DOCK10: variants seen among roughly 807,000 people sequenced by gnomAD.
DOCK10 encodes the protein dedicator of cytokinesis protein 10.
DOCK10 carries 145 observed loss-of-function variants against 280.1 expected under a neutral mutation model. That is an observed-to-expected ratio of 0.52 (90% confidence interval 0.45 to 0.59). DOCK10 has a LOEUF of 0.59. DOCK10 is among the 20% of genes least tolerant of loss of function. The pLI is 0.00. For missense variants in DOCK10, 2,368 were observed against 2,651.7 expected (o/e 0.89, Z 2.35); for synonymous variants, 915 against 942.2 (o/e 0.97, Z 0.53).
At position 224,794,863 on chromosome 2, in the gene DOCK10, A is replaced by C. The variant is rs1302811389; in HGVS notation, c.5154+16T>G. 6.2e-7 allele frequency: 1 copy of C among 1,612,278 alleles called. No homozygotes were observed. The highest frequency in any genetic ancestry group is 1.3e-5 in the African/African-American group (1 of 74,894). On this transcript the variant is annotated intron_variant, in intron 45 of 55. Coordinates refer to ENST00000258390, the MANE Select transcript of DOCK10 (RefSeq NM_014689.3). ...GGACAATACTGATGGTAAATGACCA[A>C]GCCTTGGCTAATCACCTCAGATAAA...
intron 7 of DOCK10, among the ~76,000 whole-genome samples, chr2:224,883,439 T>C (rs1371484124): frequency 6.6e-6 from 1 of 152,344 alleles, no homozygotes; most frequent in South Asian, 2.1e-4. Context: ...ATCAAGGTTT[T>C]CTAGGAAGAC....
At chr2:224,852,526 C>G in intron 17 of DOCK10, 84 bp from the exon 18 acceptor site, 1 of 1,014,726 alleles carries the variant, frequency 9.9e-7, no homozygotes, top group Non-Finnish European at 1.5e-6. Flanking sequence ...TAAGTAGCTT[C>G]TAATTAATCC....
intron 1 of DOCK10, among the ~76,000 whole-genome samples, chr2:224,937,768 C>A (rs1325139170): frequency 6.6e-6 from 1 of 152,132 alleles, no homozygotes; most frequent in East Asian, 1.9e-4. Flanking sequence ...TGTATTTATA[C>A]TTGCAGATCA....
intron 22 of DOCK10, among the ~76,000 whole-genome samples, chr2:224,843,500 C>A (rs1216146652): frequency 6.6e-6 from 1 of 152,116 alleles, no homozygotes; most frequent in Non-Finnish European, 1.5e-5. Context: ...GGGTTTAAAT[C>A]ATTGTGGGTG....
chr2:224,850,929 G>A (rs759769156), intron 18 of DOCK10, among the ~76,000 whole-genome samples: 5 of 152,046 alleles, frequency 3.3e-5, no homozygotes, highest in South Asian at 2.1e-4. Flanking sequence ...ACCCAGTCTC[G>A]GGTAGTATCT....
chr2:224,903,063 T>A lies in DOCK10; in HGVS notation c.334-6686A>T, dbSNP rs1226366085. Among the ~76,000 whole-genome samples, 9 of 151,852 alleles carry A rather than the reference T, an allele frequency of 5.9e-5. 1 individual carries two copies. Among genetic ancestry groups the A allele is most frequent in the Admixed American group, 5.9e-4 (9 of 15,258 alleles). On this transcript the variant is annotated intron_variant, in intron 3 of 55. Coordinates refer to ENST00000258390, the MANE Select transcript of DOCK10 (RefSeq NM_014689.3). ...CAGTGAGCCGAGATTGCGCCACTGC[T>A]CTCCAGCCTGGGCGACAGAGCGAGA... is the stretch of plus-strand genomic sequence containing the variant.
At chr2:224,982,150 A>C in intron 1 of DOCK10, 1 of 1,200,946 alleles carries the variant, frequency 8.3e-7, no homozygotes, top group Non-Finnish European at 1.0e-6. Context: ...CCTAAATTGT[A>C]ACCTCTCTAT....
intron 6 of DOCK10, 28 bp downstream of exon 6, chr2:224,886,026 GTGACAGAGA>G (rs1253226639): frequency 6.2e-7 from 1 of 1,612,822 alleles, no homozygotes; most frequent in Non-Finnish European, 8.5e-7. Flanking sequence ...GTTAAGAAGG[GTGACAGAGA>G]TAAAGATGAG....
intron 44 of DOCK10, among the ~76,000 whole-genome samples, chr2:224,795,516 C>T (rs1692501139): frequency 6.6e-6 from 1 of 152,128 alleles, no homozygotes; most frequent in Non-Finnish European, 1.5e-5. Context: ...AAGCTTGGAT[C>T]AAAGAGATTC....
chr2:224,767,273 C>T (rs1690125598), intron 55 of DOCK10, among the ~76,000 whole-genome samples: 1 of 152,130 alleles, frequency 6.6e-6, no homozygotes, highest in African/African-American at 2.4e-5. Flanking sequence ...AAGCAACTCT[C>T]CTGCCTCAGC....
intron 1 of DOCK10, among the ~76,000 whole-genome samples, chr2:224,994,269 GA>G (rs1706207013): frequency 6.6e-6 from 1 of 152,178 alleles, no homozygotes; most frequent in Non-Finnish European, 1.5e-5. Context: ...GCCTGGATTT[GA>G]AAGTCAGTTC....
intron 7 of DOCK10, among the ~76,000 whole-genome samples, chr2:224,877,897 C>T (rs1464964412): frequency 6.6e-6 from 1 of 152,164 alleles, no homozygotes; most frequent in Admixed American, 6.5e-5. Flanking sequence ...TTGATTTACT[C>T]CAGGCAATTC....
chr2:224,826,783 CTATCT>C (rs1488121015), intron 27 of DOCK10, among the ~76,000 whole-genome samples: 4 of 142,154 alleles, frequency 2.8e-5, no homozygotes, highest in African/African-American at 5.3e-5. Flanking sequence ...ATCTATCTAT[CTATCT>C]ATCATCTATC....
At chr2:225,003,828 G>A (rs1459338533) in intron 1 of DOCK10, among the ~76,000 whole-genome samples, 1 of 152,102 alleles carries the variant, frequency 6.6e-6, no homozygotes, top group Non-Finnish European at 1.5e-5. Flanking sequence ...TGGGGAAAGA[G>A]GCCATCTTTT....
intron 1 of DOCK10, among the ~76,000 whole-genome samples, chr2:224,949,774 G>T (rs370344518): frequency 6.6e-6 from 1 of 152,204 alleles, no homozygotes; most frequent in East Asian, 1.9e-4. Flanking sequence ...GTAAAATAGG[G>T]ATAGCATAGT....
rs1043036670 is a variant in DOCK10 at position 225,033,190 on chromosome 2, T to A, written c.123+9062A>T. 5.8e-4 allele frequency among the ~76,000 whole-genome samples: 67 copies of A among 114,772 alleles called. 1 individual carries two copies. The highest frequency in any genetic ancestry group is 3.6e-3 in the Admixed American group (39 of 10,778). The allele number at this position is 114,772 out of a possible 152,430, so 75.3% of individuals were successfully genotyped here. On this transcript the variant is annotated intron_variant, in intron 1 of 55. Coordinates refer to ENST00000258390, the MANE Select transcript of DOCK10 (RefSeq NM_014689.3). Reference sequence around the variant, plus strand: ...GAAACTTTTAATGATTTGGTACTATTATTTTTTTTTTTGACAGAGTCTCAC... The same window carrying A: ...GAAACTTTTAATGATTTGGTACTATAATTTTTTTTTTTGACAGAGTCTCAC...
Position 224,960,855 on chromosome 2 carries a change from T to A in DOCK10, c.124-29187A>T, listed in dbSNP as rs188852901. Among the ~76,000 whole-genome samples, 368 of 145,582 alleles carry A rather than the reference T, an allele frequency of 2.5e-3. 2 individuals are homozygous for A. The highest frequency in any genetic ancestry group is 5.4e-3 in the Admixed American group (76 of 14,102). On this transcript the variant is annotated intron_variant, in intron 1 of 55. Transcript: ENST00000258390. ...CCCGGGTTCACGCCATTCTCCTGTC[T>A]CAGCCTCCCGTGTAGCTGGGACTAC...
intron 4 of DOCK10, among the ~76,000 whole-genome samples, chr2:224,895,828 T>G (rs1222792704): frequency 9.2e-6 from 1 of 109,288 alleles, no homozygotes; most frequent in Non-Finnish European, 1.8e-5. Flanking sequence ...TGTGTGTGTG[T>G]GTGCGTGTGT....
intron 11 of DOCK10, among the ~76,000 whole-genome samples, chr2:224,865,434 G>A (rs1451921704): frequency 6.6e-6 from 1 of 152,104 alleles, no homozygotes; most frequent in Admixed American, 6.5e-5. Context: ...TAGAAGTTTC[G>A]AGACTGCACT....
Sources: gnomAD v4.1 joint callset for allele counts (sites outside exome capture counted in the v4.1 genomes callset) on GRCh38, gnomAD v4.1.1 for gene constraint, MANE v1.5 for transcripts, NCBI Gene and HGNC (gene_info 2026-07-23, HGNC 2026-07-21) for gene names.